The following HEATR4 variants were observed in gnomAD, a reference collection of about 807,000 sequenced individuals.
HEATR4 encodes HEAT repeat containing 4.
HEATR4 carries 95 observed loss-of-function variants against 108.8 expected under a neutral mutation model. The ratio of observed to expected loss-of-function variants is 0.87; its 90% CI spans 0.74 to 1.04. The LOEUF (loss-of-function observed/expected upper bound fraction) is 1.04, where lower values mean the gene tolerates loss of function less well. HEATR4 is among the 50% of genes least tolerant of loss of function. HEATR4 has a pLI of 0.00. For synonymous variants in HEATR4, 443 were observed against 459.4 expected (o/e 0.96, Z 0.46); for missense variants, 1,152 against 1,253.8 (o/e 0.92, Z 1.23).
chr14:73,598,233 A>AC, the HEATR4 span, among the ~76,000 whole-genome samples: 1 of 147,154 alleles, frequency 6.8e-6, no homozygotes, highest in Admixed American at 6.8e-5. Flanking sequence ...AAAAAAAAAA[A>AC]AAAAAACATA....
chr14:73,504,917 C>G (rs1886714759), intron 10 of HEATR4, among the ~76,000 whole-genome samples: 1 of 152,046 alleles, frequency 6.6e-6, no homozygotes, highest in Non-Finnish European at 1.5e-5. Context: ...TGAGCCCCAC[C>G]ATCTTCACCG....
intron 12 of HEATR4, among the ~76,000 whole-genome samples, chr14:73,500,025 C>T (rs373736613): frequency 2.0e-5 from 3 of 152,192 alleles, no homozygotes; most frequent in African/African-American, 2.4e-5. Context: ...GTCAGGACAT[C>T]GAGACCATCC....
At chr14:73,625,486 C>G in the HEATR4 span, among the ~76,000 whole-genome samples, 1 of 152,134 alleles carries the variant, frequency 6.6e-6, no homozygotes, top group Non-Finnish European at 1.5e-5. Flanking sequence ...CTCAGCCTCC[C>G]AAGTAGCTGG....
chr14:73,513,001 T>C (rs140960386), intron 6 of HEATR4, among the ~76,000 whole-genome samples: 58 of 152,326 alleles, frequency 3.8e-4, no homozygotes, highest in Middle Eastern at 3.4e-3. Flanking sequence ...TCTACTCTCC[T>C]ATCTTTGAAG....
chr14:73,604,534 G>A, the HEATR4 span, among the ~76,000 whole-genome samples: 1 of 151,860 alleles, frequency 6.6e-6, no homozygotes, highest in Non-Finnish European at 1.5e-5. Flanking sequence ...TGCCCAGGCT[G>A]GAGTGCAATG....
chr14:73,629,293 C>T, the HEATR4 span, among the ~76,000 whole-genome samples: 1 of 152,156 alleles, frequency 6.6e-6, no homozygotes, highest in African/African-American at 2.4e-5. Context: ...GTATATTATA[C>T]ACCTTTTATA....
At chr14:73,595,619 G>C in the HEATR4 span, 35 of 1,536,522 alleles carry the variant, frequency 2.3e-5, no homozygotes, top group East Asian at 5.0e-4. Flanking sequence ...CAAACACCTG[G>C]GAGGTACCCA....
At chr14:73,595,140 C>T in the HEATR4 span, 3 of 1,614,224 alleles carry the variant, frequency 1.9e-6, no homozygotes, top group African/African-American at 4.0e-5. Context: ...GTCTCAGCCA[C>T]AGTTTCCATC....
the HEATR4 span, chr14:73,592,412 G>T: frequency 4.6e-6 from 7 of 1,514,982 alleles, no homozygotes; most frequent in Admixed American, 2.1e-5. Context: ...TCTTCCTGCC[G>T]CCAGGTGAGC....
rs770608293 is a variant in HEATR4 at position 73,508,751 on chromosome 14, C to CAAA, written c.1721-460_1721-458dup. Among the ~76,000 whole-genome samples, 500 of 57,796 alleles carry CAAA rather than the reference C, an allele frequency of 8.7e-3. 16 individuals are homozygous for CAAA. The highest frequency in any genetic ancestry group is 0.024 in the Admixed American group (101 of 4,242). 37.9% of individuals were successfully genotyped at this position (57,796 alleles called of 152,430 possible). A position where few individuals can be genotyped will look rare whatever the true frequency, so the allele number is the denominator to read the frequency against. Reference sequence around the variant, plus strand: ...GGGCAACGAGAGTGAAACTCTGTCTCAAAAAAAAAAAAAAAAAAAAAAAAA... The same window carrying CAAA: ...GGGCAACGAGAGTGAAACTCTGTCTCAAAAAAAAAAAAAAAAAAAAAAAAAAAA... On this transcript the variant is annotated intron_variant, in intron 8 of 17. Transcript: ENST00000553558.
the HEATR4 span, among the ~76,000 whole-genome samples, chr14:73,570,951 T>C: frequency 1.3e-5 from 2 of 150,296 alleles, no homozygotes; most frequent in Non-Finnish European, 3.0e-5. Flanking sequence ...TTAATGTTCT[T>C]ATTTATGTAT....
the HEATR4 span, among the ~76,000 whole-genome samples, chr14:73,589,038 C>T: frequency 2.6e-5 from 4 of 152,138 alleles, no homozygotes; most frequent in Non-Finnish European, 4.4e-5. Flanking sequence ...ATCAACATCC[C>T]CCACCAGAAT....
chr14:73,504,011 G>A (rs917000123), intron 10 of HEATR4, among the ~76,000 whole-genome samples: 1 of 151,570 alleles, frequency 6.6e-6, no homozygotes, highest in African/African-American at 2.4e-5. Context: ...ATTGGAAGTT[G>A]TTAAAATGAT....
chr14:73,588,295 C>T, the HEATR4 span, among the ~76,000 whole-genome samples: 1 of 152,118 alleles, frequency 6.6e-6, no homozygotes, highest in South Asian at 2.1e-4. Context: ...CCACCGAGCC[C>T]GGCCTATCTC....
Position 73,532,625 on chromosome 14 carries a change from C to T in HEATR4, c.-151-2381G>A, listed in dbSNP as rs1341206819. Among the ~76,000 whole-genome samples, 9 of 114,968 alleles carry T rather than the reference C, an allele frequency of 7.8e-5. 3 individuals carry two copies. Among genetic ancestry groups the T allele is most frequent in the Non-Finnish European group, 1.1e-4 (6 of 52,872 alleles). 75.4% of individuals were successfully genotyped at this position (114,968 alleles called of 152,430 possible). A position where few individuals can be genotyped will look rare whatever the true frequency, so the allele number is the denominator to read the frequency against. On this transcript the variant is annotated intron_variant, in intron 1 of 17. Coordinates refer to ENST00000553558, the MANE Select transcript of HEATR4 (RefSeq NM_001220484.1). ...AAGCTGCACTCAGATGGTTGGACCA[C>T]CATAAAAGAGCGAGAGGGTACGTTT... is the stretch of plus-strand genomic sequence containing the variant.
At chr14:73,607,588 G>A in the HEATR4 span, among the ~76,000 whole-genome samples, 1 of 151,110 alleles carries the variant, frequency 6.6e-6, no homozygotes, top group East Asian at 1.9e-4. Flanking sequence ...CAGCCGGCTT[G>A]ATTTTCTCCC....
chr14:73,498,428 A>G, intron 13 of HEATR4, 84 bp from the exon 14 acceptor site: 1 of 1,217,240 alleles, frequency 8.2e-7, no homozygotes, highest in Non-Finnish European at 1.1e-6. Flanking sequence ...TTTTGCAAAC[A>G]ATACCTTCCC....
At chr14:73,496,101 G>C (rs112943342) in intron 15 of HEATR4, among the ~76,000 whole-genome samples, 1 of 152,006 alleles carries the variant, frequency 6.6e-6, no homozygotes, top group South Asian at 2.1e-4. Flanking sequence ...CTGCACTCCA[G>C]CCTGGGCGAC....
chr14:73,492,647 A>G lies in HEATR4; in HGVS notation c.2844+419T>C, dbSNP rs556655407. On this transcript the variant is annotated intron_variant, in intron 17 of 17. Coordinates refer to ENST00000553558, the MANE Select transcript of HEATR4 (RefSeq NM_001220484.1). This position sits in a 1 kb window ranked among gnomAD's most constrained non-coding sequence, Gnocchi z 4.9. ...TGTAAACGTGGGGGCCCAGTTGACA[A>G]CAGAAACAGAAGTCCATATGCTTCA... 215 of 1,614,014 alleles carry G rather than the reference A, an allele frequency of 1.3e-4. 2 individuals carry two copies. The South Asian group carries it at 1.4e-3, about 10-fold the overall frequency.
Sources: gnomAD v4.1 joint callset for allele counts (sites outside exome capture counted in the v4.1 genomes callset) on GRCh38, gnomAD v4.1.1 for gene constraint, Gnocchi (gnomAD v3.1) non-coding constraint, MANE v1.5 for transcripts, NCBI Gene and HGNC (gene_info 2026-07-23, HGNC 2026-07-21) for gene names.